The following AFG2A variants were observed in gnomAD, a reference collection of about 807,000 sequenced individuals.
AFG2A encodes AAA ATPase AFG2A.
the AFG2A span, among the ~76,000 whole-genome samples, chr4:123,240,687 T>C: frequency 6.6e-6 from 1 of 152,006 alleles, no homozygotes; most frequent in Non-Finnish European, 1.5e-5. Flanking sequence ...GCAGGAAAGA[T>C]CTAAAATTGA....
chr4:123,287,736 C>A, the AFG2A span, among the ~76,000 whole-genome samples: 55 of 151,786 alleles, frequency 3.6e-4, no homozygotes, highest in Admixed American at 7.2e-4. Context: ...AGACCATCAA[C>A]AAAATAAAAT....
the AFG2A span, among the ~76,000 whole-genome samples, chr4:123,219,873 AT>A: frequency 4.5e-4 from 66 of 146,898 alleles, no homozygotes; most frequent in Non-Finnish European, 4.8e-4. Context: ...TTGAAAAAAA[AT>A]TTTTTTTTTT....
the AFG2A span, among the ~76,000 whole-genome samples, chr4:123,066,117 T>C: frequency 8.6e-5 from 13 of 152,032 alleles, no homozygotes; most frequent in African/African-American, 2.9e-4. Context: ...GGGAAAAAAA[T>C]AAAAAAGTTC....
chr4:123,266,209 T>A, the AFG2A span, among the ~76,000 whole-genome samples: 1 of 152,040 alleles, frequency 6.6e-6, no homozygotes, highest in Admixed American at 6.6e-5. Flanking sequence ...GAAATTGAAT[T>A]ATGGTTAAGT....
the AFG2A span, among the ~76,000 whole-genome samples, chr4:123,274,605 A>AAC: frequency 1.3e-5 from 2 of 151,940 alleles, no homozygotes; most frequent in African/African-American, 4.8e-5. Context: ...TAAAAAAAAA[A>AAC]AAACCTATCA....
the AFG2A span, among the ~76,000 whole-genome samples, chr4:123,262,376 A>G: frequency 2.6e-5 from 4 of 152,224 alleles, no homozygotes; most frequent in African/African-American, 4.8e-5. Flanking sequence ...AAAGAACTAA[A>G]GTCAAGCAAA....
At chr4:123,301,718 G>A in the AFG2A span, among the ~76,000 whole-genome samples, 19 of 152,250 alleles carry the variant, frequency 1.2e-4, no homozygotes, top group African/African-American at 4.3e-4. Context: ...GCTACAGATT[G>A]TCAAGTCATT....
chr4:123,003,733 G>A, the AFG2A span, among the ~76,000 whole-genome samples: 1 of 152,178 alleles, frequency 6.6e-6, no homozygotes, highest in Admixed American at 6.5e-5. Flanking sequence ...GTGCCTTCCA[G>A]TTGGGGTGCT....
chr4:123,181,710 G>A, the AFG2A span, among the ~76,000 whole-genome samples: 6 of 152,276 alleles, frequency 3.9e-5, no homozygotes, highest in Admixed American at 2.6e-4. Flanking sequence ...CTGTTTTGGG[G>A]CCTAGTTCTA....
At chr4:123,148,275 C>G in the AFG2A span, among the ~76,000 whole-genome samples, 2 of 152,154 alleles carry the variant, frequency 1.3e-5, no homozygotes, top group African/African-American at 4.8e-5. Flanking sequence ...GCACTAAGAG[C>G]TACGTGTGCA....
the AFG2A span, among the ~76,000 whole-genome samples, chr4:122,943,158 T>G: frequency 6.6e-5 from 10 of 152,186 alleles, no homozygotes; most frequent in Non-Finnish European, 8.8e-5. Flanking sequence ...GGTCCACTTG[T>G]TGCAGAGCTG....
the AFG2A span, among the ~76,000 whole-genome samples, chr4:123,103,446 C>A: frequency 2.0e-5 from 3 of 151,998 alleles, no homozygotes; most frequent in Non-Finnish European, 2.9e-5. Flanking sequence ...ATGTATTTTA[C>A]ACAATACTAG....
At chr4:123,179,625 A>G in the AFG2A span, among the ~76,000 whole-genome samples, 1 of 152,144 alleles carries the variant, frequency 6.6e-6, no homozygotes. Context: ...CAGCCTCCCA[A>G]ACTGCTGGGA....
the AFG2A span, among the ~76,000 whole-genome samples, chr4:123,149,624 C>G: frequency 6.6e-6 from 1 of 152,080 alleles, no homozygotes; most frequent in Non-Finnish European, 1.5e-5. Flanking sequence ...ACTTAATGAT[C>G]TTAAAAAATG....
At chr4:123,132,902 T>C in the AFG2A span, among the ~76,000 whole-genome samples, 1 of 151,122 alleles carries the variant, frequency 6.6e-6, no homozygotes, top group Middle Eastern at 3.4e-3. Flanking sequence ...TGCCTCAGCC[T>C]CCCCGGTAGC....
At chr4:123,226,121 A>C in the AFG2A span, among the ~76,000 whole-genome samples, 3 of 152,186 alleles carry the variant, frequency 2.0e-5, no homozygotes, top group East Asian at 3.9e-4. Context: ...GCTGAGACGA[A>C]GGGGTTTTCT....
At chr4:123,024,205 C>T in the AFG2A span, among the ~76,000 whole-genome samples, 11 of 133,202 alleles carry the variant, frequency 8.3e-5, no homozygotes, top group South Asian at 2.5e-4. Flanking sequence ...GAACGAAAAG[C>T]GGTCACAGAT....
the AFG2A span, among the ~76,000 whole-genome samples, chr4:122,941,707 G>A: frequency 2.7e-3 from 415 of 151,736 alleles, 1 homozygote; most frequent in Non-Finnish European, 4.6e-3. Flanking sequence ...TCCCTGTCTT[G>A]TGCCAGTTTT....
chr4:122,956,027 T>C, the AFG2A span, among the ~76,000 whole-genome samples: 8 of 152,232 alleles, frequency 5.3e-5, no homozygotes, highest in Admixed American at 5.2e-4. Flanking sequence ...GGACTTGCCA[T>C]GTTCAGCATG....
Sources: gnomAD v4.1 joint callset for allele counts (sites outside exome capture counted in the v4.1 genomes callset) on GRCh38, gnomAD v4.1.1 for gene constraint, MANE v1.5 for transcripts, NCBI Gene and HGNC (gene_info 2026-07-23, HGNC 2026-07-21) for gene names.